Variants in PCDH15 observed in about 807,000 individuals in gnomAD.
PCDH15 encodes the protein protocadherin-15.
PCDH15 carries 129 observed loss-of-function variants against 178.5 expected under a neutral mutation model. The ratio of observed to expected loss-of-function variants is 0.72; its 90% confidence interval spans 0.63 to 0.84. The LOEUF (loss-of-function observed/expected upper bound fraction) is 0.84, where lower values mean the gene tolerates loss of function less well. PCDH15 is among the 40% of genes least tolerant of loss of function. PCDH15 has a pLI of 0.00. For missense variants in PCDH15, 2,230 were observed against 2,099.9 expected, an observed-to-expected ratio of 1.06 and a Z score of -1.21; for synonymous variants, 800 against 732.0, an observed-to-expected ratio of 1.09 and a Z score of -1.50.
intron 26 of PCDH15, among the ~76,000 whole-genome samples, chr10:53,871,045 A>T (rs996346989): frequency 6.6e-6 from 1 of 151,874 alleles, no homozygotes; most frequent in Non-Finnish European, 1.5e-5. Context: ...AAAAATTAAT[A>T]ACTCAAGGCC....
chr10:54,843,981 A>C (rs1953462902), intron 3 of PCDH15, among the ~76,000 whole-genome samples: 1 of 152,066 alleles, frequency 6.6e-6, no homozygotes, highest in Non-Finnish European at 1.5e-5. Context: ...TTTAGCATAG[A>C]ATCTCATTTC....
At chr10:54,385,954 T>G (rs1165147864) in intron 3 of PCDH15, among the ~76,000 whole-genome samples, 1 of 152,160 alleles carries the variant, frequency 6.6e-6, no homozygotes, top group Non-Finnish European at 1.5e-5. Flanking sequence ...AATTGATTCC[T>G]TTGTGTTTTA....
chr10:55,529,103 G>A (rs1056270304), intron 2 of PCDH15, among the ~76,000 whole-genome samples: 1 of 151,998 alleles, frequency 6.6e-6, no homozygotes, highest in African/African-American at 2.4e-5. Flanking sequence ...ATTTGTTTGA[G>A]TTCTTTGTAG....
intron 2 of PCDH15, among the ~76,000 whole-genome samples, chr10:55,139,333 G>T (rs540613683): frequency 8.6e-5 from 13 of 151,710 alleles, no homozygotes; most frequent in Admixed American, 2.6e-4. Context: ...TGTGCCTTTG[G>T]TGGCAAATCA....
At chr10:55,520,515 G>GTT (rs1841149445) in intron 2 of PCDH15, among the ~76,000 whole-genome samples, 2 of 133,048 alleles carry the variant, frequency 1.5e-5, no homozygotes, top group South Asian at 5.4e-4. Flanking sequence ...GTATATGTGT[G>GTT]TGTGTGTGTA....
intron 15 of PCDH15, among the ~76,000 whole-genome samples, chr10:54,106,405 G>C (rs754707191): frequency 1.3e-5 from 2 of 152,142 alleles, no homozygotes; most frequent in Non-Finnish European, 2.9e-5. Context: ...TGAGCTTCTT[G>C]TGGCTTACAG....
intron 3 of PCDH15, chr10:54,486,117 T>C (rs922780689): frequency 1.3e-5 from 2 of 152,012 alleles, no homozygotes; most frequent in Admixed American, 6.6e-5. Context: ...TGAAGCCACA[T>C]TGATATAGTT....
At chr10:55,543,312 C>T (rs182437006) in intron 2 of PCDH15, among the ~76,000 whole-genome samples, 2 of 132,064 alleles carry the variant, frequency 1.5e-5, no homozygotes, top group South Asian at 2.3e-4. Flanking sequence ...ATCAAAGAAG[C>T]TACAAATGTT....
At chr10:54,760,821 G>A (rs1947779712) in intron 1 of PCDH15, among the ~76,000 whole-genome samples, 1 of 152,030 alleles carries the variant, frequency 6.6e-6, no homozygotes, top group African/African-American at 2.4e-5. Flanking sequence ...AGACATAATG[G>A]AAATGGCTGA....
upstream of PCDH15, among the ~76,000 whole-genome samples, chr10:54,806,155 GAGA>G (rs1326105958): frequency 4.6e-5 from 7 of 152,060 alleles, no homozygotes; most frequent in African/African-American, 7.2e-5. Context: ...TTTTCCTAAG[GAGA>G]AGAATTTAGA....
At position 54,194,693 on chromosome 10, in the gene PCDH15, T is replaced by TCTATCTATCTATCTA. The variant is rs1554833338; in HGVS notation, c.1305+989_1305+990insTAGATAGATAGATAG. 2.8e-3 allele frequency among the ~76,000 whole-genome samples: 424 copies of TCTATCTATCTATCTA among 151,536 alleles called. 2 individuals are homozygous for TCTATCTATCTATCTA. Among genetic ancestry groups the TCTATCTATCTATCTA allele is most frequent in the African/African-American group, 9.8e-3 (402 of 41,186 alleles). ...CTATCTATCTATCTATCTATCTATATCTGTATGTGTATGTATACCTGTGTA... is the reference window on the plus strand; with the variant it reads ...CTATCTATCTATCTATCTATCTATATCTATCTATCTATCTACTGTATGTGTATGTATACCTGTGTA... On this transcript the variant is annotated intron_variant, in intron 11 of 37. Transcript: ENST00000644397.
intron 2 of PCDH15, among the ~76,000 whole-genome samples, chr10:55,460,075 A>G (rs983671242): frequency 6.6e-6 from 1 of 152,010 alleles, no homozygotes; most frequent in African/African-American, 2.4e-5. Flanking sequence ...ATGTGAAGAA[A>G]ACAGGAACTG....
At chr10:55,155,488 C>CAAAAA (rs33986131) in intron 2 of PCDH15, among the ~76,000 whole-genome samples, 74 of 116,006 alleles carry the variant, frequency 6.4e-4, no homozygotes, top group African/African-American at 1.9e-3. Flanking sequence ...GCAACCAATG[C>CAAAAA]AAAAAAAAAA....
chr10:54,972,832 G>A (rs1396669709), intron 2 of PCDH15, among the ~76,000 whole-genome samples: 1 of 118,770 alleles, frequency 8.4e-6, no homozygotes, highest in Non-Finnish European at 1.6e-5. Flanking sequence ...CTAGGCAACA[G>A]AGTGAGACTC....
rs142333328 is a variant in PCDH15, at chr10:54,492,205, G to A, written c.157+35607C>T. Among the ~76,000 whole-genome samples, 146 of 152,240 alleles carry A rather than the reference G, an allele frequency of 9.6e-4. 1 individual carries two copies. Among genetic ancestry groups the A allele is most frequent in the African/African-American group, 3.4e-3 (141 of 41,550 alleles). On this transcript the variant is annotated intron_variant, in intron 3 of 37. Coordinates refer to ENST00000644397, the MANE Select transcript of PCDH15 (RefSeq NM_001384140.1). Reference sequence around the variant, plus strand: ...TCCCTGAATAAAAGAGGCAAGACGTGTCAACCTGAACAGACATTCATCTCT... The same window carrying A: ...TCCCTGAATAAAAGAGGCAAGACGTATCAACCTGAACAGACATTCATCTCT...
chr10:55,389,998 A>G (rs1464998986), intron 2 of PCDH15, among the ~76,000 whole-genome samples: 1 of 152,160 alleles, frequency 6.6e-6, no homozygotes. Context: ...GGAGCAGATT[A>G]CAAAGAGTTT....
intron 2 of PCDH15, among the ~76,000 whole-genome samples, chr10:54,995,164 C>T (rs1034398586): frequency 1.3e-5 from 2 of 152,070 alleles, no homozygotes; most frequent in Non-Finnish European, 2.9e-5. Flanking sequence ...ATCACGAAGT[C>T]AGGAGATAGA....
rs560875373 is a variant in PCDH15 at position 54,709,518 on chromosome 10, T to C, written c.-28-45228A>G. 3.2e-4 allele frequency among the ~76,000 whole-genome samples: 47 copies of C among 147,986 alleles called. 1 individual carries two copies. Among genetic ancestry groups the C allele is most frequent in the African/African-American group, 1.0e-3 (41 of 40,540 alleles). On this transcript the variant is annotated intron_variant, in intron 1 of 37. Transcript: ENST00000644397. ...TTCCATTGTTGTTGTGAGGATCAAA[T>C]GACAGGGGGTCTTTAGTATATGCCT...
intron 6 of PCDH15, among the ~76,000 whole-genome samples, chr10:54,335,622 G>C (rs1017607284): frequency 2.6e-5 from 4 of 152,144 alleles, no homozygotes; most frequent in African/African-American, 9.7e-5. Flanking sequence ...TTCTCTCTTA[G>C]TCTGCTTCCA....
Sources: gnomAD v4.1 joint callset for allele counts (sites outside exome capture counted in the v4.1 genomes callset) on GRCh38, gnomAD v4.1.1 for gene constraint, MANE v1.5 for transcripts, NCBI Gene and HGNC (gene_info 2026-07-23, HGNC 2026-07-21) for gene names.